TBC1D19: variants seen among roughly 807,000 people sequenced by gnomAD.
TBC1D19 encodes the protein TBC1 domain family member 19, also known as TBC1 domain family, member 19.
In TBC1D19, 60 loss-of-function variants were observed where a neutral mutation model predicts 89.0. The observed-to-expected ratio is 0.67, with a 90% CI of 0.55 to 0.84. TBC1D19 has a LOEUF of 0.84. Among genes scored for constraint, TBC1D19 ranks in the 40% least tolerant of loss-of-function variants. TBC1D19 has a pLI of 0.00. For synonymous variants in TBC1D19, 189 were observed against 199.7 expected, an observed-to-expected ratio of 0.95 and a Z score of 0.45; for missense variants, 500 against 610.8, an observed-to-expected ratio of 0.82 and a Z score of 1.91.
At chr4:26,589,258 G>A (rs547931787) in intron 1 of TBC1D19, among the ~76,000 whole-genome samples, 1 of 152,196 alleles carries the variant, frequency 6.6e-6, no homozygotes, top group East Asian at 1.9e-4. Context: ...CTAGGGGACA[G>A]AGCGAGACTC....
intron 8 of TBC1D19, 69 bp downstream of exon 8, chr4:26,659,776 A>ATG: frequency 1.0e-6 from 1 of 969,876 alleles, no homozygotes. Context: ...TTAATACAGC[A>ATG]TGTATGTAAA....
intron 4 of TBC1D19, among the ~76,000 whole-genome samples, chr4:26,622,823 A>G (rs1431025045): frequency 6.6e-6 from 1 of 152,134 alleles, no homozygotes; most frequent in East Asian, 1.9e-4. Flanking sequence ...TGCAAAGCCT[A>G]AAATATTTAC....
intron 13 of TBC1D19, among the ~76,000 whole-genome samples, chr4:26,703,475 G>A (rs1017674517): frequency 2.6e-5 from 4 of 152,144 alleles, no homozygotes; most frequent in African/African-American, 4.8e-5. Flanking sequence ...TAGCAGAGCT[G>A]CCTAGCAACA....
chr4:26,743,756 T>C (rs370981640), intron 18 of TBC1D19, among the ~76,000 whole-genome samples: 1 of 151,862 alleles, frequency 6.6e-6, no homozygotes, highest in Non-Finnish European at 1.5e-5. Context: ...TTCAGAAATA[T>C]TTTATATTGA....
the TBC1D19 span, among the ~76,000 whole-genome samples, chr4:26,839,207 T>C: frequency 1.2e-4 from 18 of 152,296 alleles, no homozygotes; most frequent in East Asian, 5.8e-4. Flanking sequence ...GGTTTTTTTT[T>C]CCTTAAACTT....
chr4:26,854,726 C>CT, the TBC1D19 span, among the ~76,000 whole-genome samples: 187 of 126,108 alleles, frequency 1.5e-3, 1 homozygote, highest in South Asian at 6.6e-3. Flanking sequence ...AATCTCCAGC[C>CT]TTTTTTTTTT....
At chr4:26,805,920 G>A in the TBC1D19 span, among the ~76,000 whole-genome samples, 4 of 152,062 alleles carry the variant, frequency 2.6e-5, no homozygotes, top group Non-Finnish European at 4.4e-5. Context: ...GCAGTGAGCC[G>A]AGATCGCACT....
At chr4:26,688,121 G>A (rs1325841567) in intron 12 of TBC1D19, among the ~76,000 whole-genome samples, 1 of 152,052 alleles carries the variant, frequency 6.6e-6, no homozygotes, top group Non-Finnish European at 1.5e-5. Context: ...AAATATTAAA[G>A]AATTACTAAT....
At chr4:26,776,761 T>G in the TBC1D19 span, among the ~76,000 whole-genome samples, 1 of 152,320 alleles carries the variant, frequency 6.6e-6, no homozygotes, top group East Asian at 1.9e-4. Flanking sequence ...TCTTTCCTTG[T>G]GTATCTTAAA....
At chr4:26,812,372 C>T in the TBC1D19 span, among the ~76,000 whole-genome samples, 1 of 152,152 alleles carries the variant, frequency 6.6e-6, no homozygotes, top group Non-Finnish European at 1.5e-5. This position sits in a 1 kb window ranked among gnomAD's most constrained non-coding sequence, Gnocchi z 4.2. Flanking sequence ...GCTTTGGAGA[C>T]CAGGAATGCC....
At chr4:26,809,153 T>C in the TBC1D19 span, among the ~76,000 whole-genome samples, 1 of 152,174 alleles carries the variant, frequency 6.6e-6, no homozygotes, top group South Asian at 2.1e-4. Context: ...CTGGTCTGAA[T>C]AGGGTAGGTG....
intron 1 of TBC1D19, among the ~76,000 whole-genome samples, chr4:26,598,900 AAGAAAAAAT>A (rs1416130333): frequency 8.5e-5 from 13 of 152,264 alleles, no homozygotes; most frequent in South Asian, 6.2e-4. Flanking sequence ...ATAGAATAGA[AAGAAAAAAT>A]AGAAAAAATA....
At chr4:26,839,473 C>T in the TBC1D19 span, among the ~76,000 whole-genome samples, 1 of 151,942 alleles carries the variant, frequency 6.6e-6, no homozygotes, top group Non-Finnish European at 1.5e-5. Flanking sequence ...TGCTTCATTT[C>T]ATGTTACTTT....
the TBC1D19 span, among the ~76,000 whole-genome samples, chr4:26,847,898 G>T: frequency 1.3e-5 from 2 of 152,162 alleles, no homozygotes; most frequent in Non-Finnish European, 2.9e-5. Context: ...GACTAAGATG[G>T]GGACTATCAG....
the TBC1D19 span, among the ~76,000 whole-genome samples, chr4:26,768,749 T>C: frequency 1.3e-5 from 2 of 152,172 alleles, no homozygotes; most frequent in South Asian, 4.1e-4. Flanking sequence ...ATGAAAATAT[T>C]GCAATAGAAA....
intron 7 of TBC1D19, among the ~76,000 whole-genome samples, chr4:26,644,957 TGG>T (rs1743813331): frequency 6.6e-6 from 1 of 151,728 alleles, no homozygotes; most frequent in African/African-American, 2.4e-5. Flanking sequence ...TCCATGCTCA[TGG>T]ATAGGAAGAA....
chr4:26,696,085 C>A (rs1481545385), intron 13 of TBC1D19, among the ~76,000 whole-genome samples: 4 of 152,120 alleles, frequency 2.6e-5, no homozygotes, highest in African/African-American at 9.7e-5. Flanking sequence ...AGAGTCAAGA[C>A]CCATCAGTGT....
chr4:26,796,524 G>A, the TBC1D19 span, among the ~76,000 whole-genome samples: 1 of 151,962 alleles, frequency 6.6e-6, no homozygotes, highest in South Asian at 2.1e-4. Flanking sequence ...ATAGACAAAA[G>A]ACTCAATGGG....
the TBC1D19 span, among the ~76,000 whole-genome samples, chr4:26,844,218 C>T: frequency 6.6e-6 from 1 of 152,246 alleles, no homozygotes; most frequent in East Asian, 1.9e-4. Context: ...CATCCCAGAC[C>T]CACTAAATTA....
Sources: gnomAD v4.1 joint callset for allele counts (sites outside exome capture counted in the v4.1 genomes callset) on GRCh38, gnomAD v4.1.1 for gene constraint, Gnocchi (gnomAD v3.1) non-coding constraint, MANE v1.5 for transcripts, NCBI Gene and HGNC (gene_info 2026-07-23, HGNC 2026-07-21) for gene names.